Variants in KIAA1217 observed in about 807,000 individuals in gnomAD.
KIAA1217 encodes the protein KIAA1217, also known as sickle tail protein homolog.
In KIAA1217, 88 loss-of-function variants were observed where a neutral mutation model predicts 163.9. That is an observed-to-expected ratio of 0.54 (90% CI 0.45 to 0.64). The LOEUF (loss-of-function observed/expected upper bound fraction) is 0.64, where lower values mean the gene tolerates loss of function less well. KIAA1217 is among the 30% of genes least tolerant of loss of function. The pLI, the probability that KIAA1217 is intolerant of heterozygous loss-of-function variation, is 0.00. For synonymous variants in KIAA1217, 903 were observed against 923.1 expected, an observed-to-expected ratio of 0.98 and a Z score of 0.39; for missense variants, 2,372 against 2,475.0, an observed-to-expected ratio of 0.96 and a Z score of 0.88.
At chr10:23,743,290 C>T (rs1330324772) in intron 1 of KIAA1217, among the ~76,000 whole-genome samples, 4 of 151,660 alleles carry the variant, frequency 2.6e-5, no homozygotes, top group Non-Finnish European at 4.4e-5. Context: ...ACAGTATGAT[C>T]GGTAATTCCA....
intron 1 of KIAA1217, among the ~76,000 whole-genome samples, chr10:23,980,689 T>C (rs182987257): frequency 2.4e-3 from 367 of 152,302 alleles, no homozygotes; most frequent in Non-Finnish European, 3.8e-3. Flanking sequence ...ACATTCCTGA[T>C]ACCTGTTGTT....
At chr10:23,872,501 C>T (rs1700528614) in intron 1 of KIAA1217, among the ~76,000 whole-genome samples, 1 of 152,076 alleles carries the variant, frequency 6.6e-6, no homozygotes, top group South Asian at 2.1e-4. Flanking sequence ...ACGAGCCTTG[C>T]CAACACTGCA....
chr10:23,961,380 C>T (rs923411876), intron 1 of KIAA1217, among the ~76,000 whole-genome samples: 4 of 152,044 alleles, frequency 2.6e-5, no homozygotes, highest in African/African-American at 7.2e-5. Context: ...CAGTGCCATG[C>T]GTGGGGAGCA....
intron 10 of KIAA1217, among the ~76,000 whole-genome samples, chr10:24,515,662 T>A (rs780940322): frequency 6.6e-6 from 1 of 152,162 alleles, no homozygotes; most frequent in Non-Finnish European, 1.5e-5. Context: ...CAGGTACCAG[T>A]TGTACCCACA....
chr10:24,312,309 TAAAA>T (rs1228932678), intron 2 of KIAA1217, among the ~76,000 whole-genome samples: 1 of 131,106 alleles, frequency 7.6e-6, no homozygotes, highest in Admixed American at 7.8e-5. Context: ...GTCATAGATT[TAAAA>T]AAAAAAAAAA....
chr10:23,718,123 G>T (rs61849174), intron 1 of KIAA1217, among the ~76,000 whole-genome samples: 5,281 of 152,150 alleles, frequency 0.035, 119 homozygotes, highest in Non-Finnish European at 0.048. Context: ...AGTTATTGCG[G>T]TTTTTGCCAG....
chr10:24,086,892 C>T (rs746114856), intron 2 of KIAA1217, among the ~76,000 whole-genome samples: 1 of 152,118 alleles, frequency 6.6e-6, no homozygotes, highest in Non-Finnish European at 1.5e-5. Flanking sequence ...CCATTTGTCC[C>T]GTGGGAACTG....
intron 2 of KIAA1217, among the ~76,000 whole-genome samples, chr10:24,302,073 A>G (rs913396527): frequency 2.0e-5 from 3 of 152,152 alleles, no homozygotes; most frequent in Non-Finnish European, 4.4e-5. Context: ...AGAGACAGCA[A>G]ACGAGACATA....
rs77612174 is a variant in KIAA1217 at position 24,376,282 on chromosome 10, A to G, written c.355-4587A>G. On this transcript the variant is annotated intron_variant, in intron 2 of 20. Coordinates refer to ENST00000376454, the MANE Select transcript of KIAA1217 (RefSeq NM_019590.5). ...TCAGTAAACTGTTTTTCTGGATGAC[A>G]TGATCTTTTCTTCTTATATGATGTG... 0.01 allele frequency among the ~76,000 whole-genome samples: 1,582 copies of G among 152,306 alleles called. 91 individuals carry two copies. In the East Asian group the frequency reaches 0.17, roughly 16 times the overall value.
chr10:24,047,385 T>C (rs899034550), intron 2 of KIAA1217, among the ~76,000 whole-genome samples: 4 of 152,196 alleles, frequency 2.6e-5, no homozygotes, highest in Non-Finnish European at 5.9e-5. Context: ...TCCTTCTGGA[T>C]TGAATTTCGT....
At chr10:24,523,726 C>A (rs548472184) in intron 12 of KIAA1217, among the ~76,000 whole-genome samples, 35 of 152,324 alleles carry the variant, frequency 2.3e-4, no homozygotes, top group African/African-American at 7.9e-4. Context: ...AAAGCATGAA[C>A]TAACTGCTAT....
chr10:24,349,888 G>A (rs1220087924), intron 2 of KIAA1217, among the ~76,000 whole-genome samples: 2 of 152,216 alleles, frequency 1.3e-5, no homozygotes, highest in Non-Finnish European at 2.9e-5. Flanking sequence ...TGAAAAGCTT[G>A]TGTACTCAGA....
chr10:24,451,967 G>A (rs987638464), intron 5 of KIAA1217, among the ~76,000 whole-genome samples: 2 of 152,062 alleles, frequency 1.3e-5, no homozygotes, highest in South Asian at 2.1e-4. Context: ...TAGGCGCCCC[G>A]AGTCCCAGAC....
At chr10:24,514,652 A>T (rs1344400467) in intron 10 of KIAA1217, among the ~76,000 whole-genome samples, 1 of 152,158 alleles carries the variant, frequency 6.6e-6, no homozygotes, top group Non-Finnish European at 1.5e-5. Context: ...CAGCCCAATT[A>T]TCTAAAACTA....
Position 24,355,937 on chromosome 10 carries a change from C to T in KIAA1217, c.355-24932C>T, listed in dbSNP as rs374446824. Among the ~76,000 whole-genome samples, 106 of 151,012 alleles carry T rather than the reference C, an allele frequency of 7.0e-4. No homozygotes were observed. In the South Asian group the frequency reaches 0.021, roughly 30 times the overall value. ...CTAATTTTTGTATTTTTAGTAGAGA[C>T]GGGATTTCACTATATTGGTCAGGCT... is the stretch of plus-strand genomic sequence containing the variant. On this transcript the variant is annotated intron_variant, in intron 2 of 20. Transcript: ENST00000376454.
intron 12 of KIAA1217, among the ~76,000 whole-genome samples, chr10:24,523,024 G>C (rs954406359): frequency 2.0e-5 from 3 of 151,722 alleles, no homozygotes; most frequent in Non-Finnish European, 4.4e-5. Flanking sequence ...GCAGTGGCAC[G>C]TGCTCGTAAT....
At chr10:23,759,629 AAGT>A (rs2130853808) in intron 1 of KIAA1217, among the ~76,000 whole-genome samples, 1 of 152,342 alleles carries the variant, frequency 6.6e-6, no homozygotes, top group Admixed American at 6.5e-5. Flanking sequence ...ATTTCAGGGT[AAGT>A]AGCTTTATTC....
At chr10:24,409,542 A>G (rs992673671) in intron 3 of KIAA1217, among the ~76,000 whole-genome samples, 3 of 152,212 alleles carry the variant, frequency 2.0e-5, no homozygotes, top group African/African-American at 7.2e-5. Flanking sequence ...TCATAAGTAT[A>G]TCCATATATC....
chr10:23,970,745 C>G (rs1845279883), intron 1 of KIAA1217, among the ~76,000 whole-genome samples: 2 of 152,218 alleles, frequency 1.3e-5, no homozygotes, highest in Admixed American at 6.5e-5. Flanking sequence ...GACCCCTCCT[C>G]TCTGCCAAGG....
Sources: allele counts gnomAD v4.1 joint callset (sites outside exome capture counted in the v4.1 genomes callset), GRCh38; gene constraint gnomAD v4.1.1; transcripts MANE v1.5; gene names NCBI Gene and HGNC (gene_info 2026-07-23, HGNC 2026-07-21).